LRRC41: variants seen among roughly 807,000 people sequenced by gnomAD.
LRRC41 encodes leucine-rich repeat-containing protein 41.
Under a neutral mutation model 72.1 loss-of-function variants are expected in LRRC41, and 17 were observed. The observed-to-expected ratio is 0.24, with a 90% CI of 0.16 to 0.35. The LOEUF (loss-of-function observed/expected upper bound fraction) is 0.35. Among genes scored for constraint, LRRC41 ranks in the 10% least tolerant of loss-of-function variants. The pLI is 1.00. For missense variants in LRRC41, 759 were observed against 1,065.0 expected (o/e 0.71, Z 4.00); for synonymous variants, 427 against 431.0 (o/e 0.99, Z 0.11).
In LRRC41 at chr1:46,303,228, G is replaced by A; in HGVS notation, c.95C>T (p.Pro32Leu). 6.4e-7 allele frequency: 1 copy of A among 1,559,968 alleles called. No individual in the cohort carries two copies. The highest frequency in any genetic ancestry group is 2.4e-5 in the East Asian group (1 of 41,760). Residue 32 changes from proline to leucine, a missense_variant, in exon 1 of 10, where the codon CCA becomes CTA. Physicochemically the swap from Pro to Leu is moderately conservative, Grantham distance 98. Coordinates refer to ENST00000617190, the MANE Select transcript of LRRC41 (RefSeq NM_006369.5). ...TMEATSREAA[P>L]AKSSASGPNA... ...GGGGCCCGAGGCCGAGCTCTTCGCT[G>A]GCGCCGCCTCCCGGGACGTGGCCTC...
At chr1:46,290,363 C>T (rs186964215) in intron 3 of LRRC41, among the ~76,000 whole-genome samples, 53 of 152,228 alleles carry the variant, frequency 3.5e-4, no homozygotes, top group African/African-American at 1.2e-3. Flanking sequence ...GAGCTAAGAT[C>T]GTGCCACTGC....
chr1:46,284,263 G>GA (rs1208332408), intron 4 of LRRC41: 3 of 152,250 alleles, frequency 2.0e-5, no homozygotes, highest in Non-Finnish European at 4.4e-5. Flanking sequence ...TGATAGGAGA[G>GA]AGACGGTGGA....
chr1:46,279,759 G>T lies in LRRC41; in HGVS notation c.2021-145C>A. 1.0e-6 allele frequency: 1 copy of T among 955,146 alleles called. No homozygotes were observed. The highest frequency in any genetic ancestry group is 1.6e-6 in the Non-Finnish European group (1 of 632,946). The allele number at this position is 955,146 out of a possible 1,614,324, so 59.2% of individuals were successfully genotyped here. ...TTTGTCTAGACTCCAAGCAAGGCTG[G>T]AACTAAATCAGAATCCAAACTAAAG... On this transcript the variant is annotated intron_variant, in intron 7 of 9. Transcript: ENST00000617190. The surrounding 1 kb of genome is among the most constrained non-coding windows in gnomAD (Gnocchi z 4.5).
chr1:46,279,267 A>G lies in LRRC41; in HGVS notation c.2144-10T>C. ...AGCAGGCCAGCATTCCCTGGAGAGAAGGGGAGAACGCCTATCACCTCCACC... is the reference window on the plus strand; with the variant it reads ...AGCAGGCCAGCATTCCCTGGAGAGAGGGGGAGAACGCCTATCACCTCCACC... On this transcript the variant is annotated splice_polypyrimidine_tract_variant and intron_variant, in intron 8 of 9. Coordinates refer to ENST00000617190, the MANE Select transcript of LRRC41 (RefSeq NM_006369.5). The surrounding 1 kb of genome is among the most constrained non-coding windows in gnomAD (Gnocchi z 4.5). The G allele has an allele frequency of 6.2e-7, 1 of 1,613,974 alleles. No homozygotes were observed. The highest frequency in any genetic ancestry group is 8.5e-7 in the Non-Finnish European group (1 of 1,179,856).
At position 46,281,354 on chromosome 1, in the gene LRRC41, G is replaced by C; in HGVS notation, c.1527C>G (p.Asp509Glu). The change falls in exon 5 of 10, where the codon GAC becomes GAG. Residue 509 changes from aspartate to glutamate, a missense_variant. By Grantham distance (45) the Asp-to-Glu change is conservative. Coordinates refer to ENST00000617190, the MANE Select transcript of LRRC41 (RefSeq NM_006369.5). ...CCTGGCCTGACAGGGCCCGCAGGCT[G>C]TCTAGCAGGCGGAAGATGTTAGAGC... ...GLGSNIFRLLDSLRALSGQAG... is the reference protein window; with the variant it reads ...GLGSNIFRLLESLRALSGQAG... 6.2e-7 allele frequency: 1 copy of C among 1,614,194 alleles called. No homozygotes were observed. The highest frequency in any genetic ancestry group is 8.5e-7 in the Non-Finnish European group (1 of 1,180,016).
intron 3 of LRRC41, among the ~76,000 whole-genome samples, chr1:46,294,314 C>T (rs1276936528): frequency 6.6e-6 from 1 of 151,540 alleles, no homozygotes; most frequent in Non-Finnish European, 1.5e-5. Context: ...CTCCATGTTG[C>T]CCAGGTTGGT....
chr1:46,297,233 C>A, intron 3 of LRRC41: 1 of 214,572 alleles, frequency 4.7e-6, no homozygotes, highest in Non-Finnish European at 9.4e-6. Flanking sequence ...TTTTAAAACT[C>A]ATTGAAGTAT....
At chr1:46,295,499 G>C (rs745884714) in intron 3 of LRRC41, among the ~76,000 whole-genome samples, 11 of 152,198 alleles carry the variant, frequency 7.2e-5, no homozygotes, top group Non-Finnish European at 1.2e-4. Flanking sequence ...CTGAATAACT[G>C]TTTGTGACTT....
intron 3 of LRRC41, among the ~76,000 whole-genome samples, chr1:46,294,687 T>A (rs992741738): frequency 6.9e-6 from 1 of 145,692 alleles, no homozygotes; most frequent in African/African-American, 2.5e-5. Context: ...CTCTGCCTCC[T>A]GGGTTCAAGC....
chr1:46,285,178 T>G lies in LRRC41; in HGVS notation c.1495+184A>C, dbSNP rs1243432797. On this transcript the variant is annotated intron_variant, in intron 4 of 9. Coordinates refer to ENST00000617190, the MANE Select transcript of LRRC41 (RefSeq NM_006369.5). This position sits in a 1 kb window ranked among gnomAD's most constrained non-coding sequence, Gnocchi z 5.3. ...CCCCTGCTTTCAACAACTAATCAAG[T>G]GTATAGACTTTATGTTCCTCTCTTC... 4 of 635,362 alleles carry G rather than the reference T, an allele frequency of 6.3e-6. No individual in the cohort carries two copies. The South Asian group carries it at 7.8e-5, about 12-fold the overall frequency. 39.4% of individuals were successfully genotyped at this position (635,362 alleles called of 1,614,324 possible).
chr1:46,303,167 C>T lies in LRRC41; in HGVS notation c.156G>A (p.Arg52=), dbSNP rs1661283082. The change falls in exon 1 of 10, where the codon CGG becomes CGA. Residue 52 remains arginine (R), a synonymous_variant. Coordinates refer to ENST00000617190, the MANE Select transcript of LRRC41 (RefSeq NM_006369.5). ...APPALFELCG[R]AVSAHMGVLE... Reference sequence around the variant, plus strand: ...GAACCCCCATATGGGCGCTCACCGCCCGCCCGCACAGCTCGAACAGGGCGG... The same window carrying T: ...GAACCCCCATATGGGCGCTCACCGCTCGCCCGCACAGCTCGAACAGGGCGG... 1 of 1,548,194 alleles carries T rather than the reference C, an allele frequency of 6.5e-7. No individual in the cohort carries two copies. Among genetic ancestry groups the T allele is most frequent in the Non-Finnish European group, 8.7e-7 (1 of 1,154,284 alleles).
chr1:46,282,534 A>G (rs1047604651), intron 4 of LRRC41, among the ~76,000 whole-genome samples: 20 of 152,202 alleles, frequency 1.3e-4, no homozygotes, highest in African/African-American at 4.3e-4. Flanking sequence ...ATAAAGTACT[A>G]TGAAATTACA....
intron 3 of LRRC41, among the ~76,000 whole-genome samples, chr1:46,292,620 A>G (rs559882821): frequency 6.6e-6 from 1 of 152,264 alleles, no homozygotes; most frequent in South Asian, 2.1e-4. Flanking sequence ...AACATTTTTC[A>G]CTTTACTGGG....
At chr1:46,294,211 C>G (rs1450442801) in intron 3 of LRRC41, among the ~76,000 whole-genome samples, 1 of 150,898 alleles carries the variant, frequency 6.6e-6, no homozygotes, top group African/African-American at 2.4e-5. Context: ...GTCTCCTGGG[C>G]TCCCTCCCAC....
chr1:46,277,588 T>G lies in LRRC41; in HGVS notation c.*1277A>C. The G allele has an allele frequency of 5.3e-6, 3 of 570,570 alleles. No homozygotes were observed. The highest frequency in any genetic ancestry group is 3.1e-5 in the East Asian group (1 of 32,024). 35.3% of individuals were successfully genotyped at this position (570,570 alleles called of 1,614,324 possible). On this transcript the variant is annotated 3_prime_UTR_variant, in exon 10 of 10. Transcript: ENST00000617190. ...TTTAGCCAGGCCCTGGGACCCTTCA[T>G]TAGTATAGAAAGTAGCCTGGGTGGG...
In LRRC41 at chr1:46,279,135, T is replaced by C. The variant is rs1286803047; in HGVS notation, c.2219+47A>G. 6.2e-7 allele frequency: 1 copy of C among 1,611,418 alleles called. No homozygotes were observed. The highest frequency in any genetic ancestry group is 2.2e-5 in the East Asian group (1 of 44,880). On this transcript the variant is annotated intron_variant, in intron 9 of 9. Coordinates refer to ENST00000617190, the MANE Select transcript of LRRC41 (RefSeq NM_006369.5). This position sits in a 1 kb window ranked among gnomAD's most constrained non-coding sequence, Gnocchi z 4.5. ...TCCAGGAAGCAGTGAATTCCTGGTC[T>C]ATATCTCTGTAGCCCCATCCCTTGT...
chr1:46,279,128 C>T lies in LRRC41; in HGVS notation c.2220-44G>A, dbSNP rs773435861. The T allele has an allele frequency of 2.5e-6, 4 of 1,611,192 alleles. No individual in the cohort carries two copies. The highest frequency in any genetic ancestry group is 3.4e-6 in the Non-Finnish European group (4 of 1,177,924). ...TTAGATATCCAGGAAGCAGTGAATT[C>T]CTGGTCTATATCTCTGTAGCCCCAT... On this transcript the variant is annotated intron_variant, in intron 9 of 9. Transcript: ENST00000617190. The surrounding 1 kb of genome is among the most constrained non-coding windows in gnomAD (Gnocchi z 4.5).
intron 4 of LRRC41, chr1:46,284,047 T>C (rs531922500): frequency 6.6e-6 from 1 of 152,296 alleles, no homozygotes; most frequent in East Asian, 1.9e-4. Context: ...AAAGTATACA[T>C]TGGATCTAGT....
rs1342530647 is a variant in LRRC41, at chr1:46,286,057, C to T, written c.800G>A (p.Gly267Glu). The change falls in exon 4 of 10, where the codon GGA becomes GAA. Residue 267 changes from glycine to glutamate, a missense_variant. Transcript: ENST00000617190. This position sits in a 1 kb window ranked among gnomAD's most constrained non-coding sequence, Gnocchi z 5.5. ...TGGGGCCCGGCCTCGGGAGGCCTCT[C>T]CACAGAGGCGGCAGGGTGGGCCACC... ...GPGGPPCRLC[G>E]EASRGRAPSR... is the part of the protein sequence containing the mutation. The T allele has an allele frequency of 1.2e-6, 2 of 1,606,614 alleles. No homozygotes were observed. The highest frequency in any genetic ancestry group is 2.2e-5 in the South Asian group (2 of 90,606).
Sources: gnomAD v4.1 joint callset for allele counts (sites outside exome capture counted in the v4.1 genomes callset) on GRCh38, gnomAD v4.1.1 for gene constraint, Gnocchi (gnomAD v3.1) non-coding constraint, MANE v1.5 for transcripts, NCBI Gene and HGNC (gene_info 2026-07-23, HGNC 2026-07-21) for gene names.